Variants in FGD5 observed in about 807,000 individuals in gnomAD.
FGD5 encodes the protein FYVE, RhoGEF and PH domain containing 5, also known as FYVE, RhoGEF and PH domain-containing protein 5.
FGD5 carries 28 observed loss-of-function variants against 133.4 expected under a neutral mutation model. The observed-to-expected ratio is 0.21, with a 90% CI of 0.16 to 0.29. The LOEUF (loss-of-function observed/expected upper bound fraction) is 0.29. Among genes scored for constraint, FGD5 ranks in the 10% least tolerant of loss-of-function variants. The pLI is 1.00. For synonymous variants in FGD5, 810 were observed against 776.5 expected (o/e 1.04, Z -0.72); for missense variants, 1,858 against 1,895.2 (o/e 0.98, Z 0.36).
chr3:14,932,525 G>A (rs2038915978), intron 18 of FGD5, 52 bp from the exon 19 acceptor site: 7 of 1,576,118 alleles, frequency 4.4e-6, no homozygotes, highest in African/African-American at 1.4e-5. Context: ...AACAGTAAAT[G>A]ACTATGCAGA....
chr3:14,860,394 A>G (rs1430076649), intron 1 of FGD5, among the ~76,000 whole-genome samples: 1 of 152,222 alleles, frequency 6.6e-6, no homozygotes, highest in African/African-American at 2.4e-5. Context: ...TGTTGTACTC[A>G]TAATTCCTAT....
At chr3:14,927,463 AAAAT>A (rs1000757482) in intron 18 of FGD5, among the ~76,000 whole-genome samples, 5 of 152,072 alleles carry the variant, frequency 3.3e-5, no homozygotes, top group Admixed American at 2.0e-4. Context: ...AACGAAAAAT[AAAAT>A]GAATGAATGA....
intron 1 of FGD5, among the ~76,000 whole-genome samples, chr3:14,863,237 G>C (rs927961380): frequency 1.3e-5 from 2 of 152,214 alleles, no homozygotes; most frequent in African/African-American, 4.8e-5. Flanking sequence ...GAGTTGTCTG[G>C]GGCCACGTTG....
intron 18 of FGD5, 164 bp from the exon 19 acceptor site, chr3:14,932,413 C>G: frequency 3.2e-5 from 22 of 681,582 alleles, no homozygotes; most frequent in Middle Eastern, 3.6e-4. Flanking sequence ...TCAGGGCTGG[C>G]TCTGGGGGGA....
chr3:14,821,111 C>T lies in FGD5; in HGVS notation c.2040C>T (p.Ser680=), dbSNP rs1028701236. 6 of 1,613,860 alleles carry T rather than the reference C, an allele frequency of 3.7e-6. No homozygotes were observed. In the African/African-American group the frequency reaches 4.0e-5, roughly 11 times the overall value. ...HVDVNVSSSR[S]SSESSYHGPS... ...ATGTGAACGTGTCTTCCTCTAGGTC[C>T]TCTTCAGAGTCCAGCTACCACGGGC... is the stretch of plus-strand genomic sequence containing the variant. The change falls in exon 1 of 20, where the codon TCC becomes TCT. Residue 680 remains serine, a synonymous_variant. Transcript: ENST00000285046.
At chr3:14,822,647 T>C (rs1027732991) in intron 1 of FGD5, among the ~76,000 whole-genome samples, 4 of 152,186 alleles carry the variant, frequency 2.6e-5, no homozygotes, top group African/African-American at 9.7e-5. Flanking sequence ...CCATTCCTTA[T>C]GGAATTGTGG....
chr3:14,814,746 A>T (rs932959217), upstream of FGD5, among the ~76,000 whole-genome samples: 1 of 152,170 alleles, frequency 6.6e-6, no homozygotes, highest in African/African-American at 2.4e-5. Context: ...CAGGGTGTGT[A>T]GTAGGTGACT....
chr3:14,829,004 G>T (rs986690516), intron 1 of FGD5, among the ~76,000 whole-genome samples: 1 of 151,946 alleles, frequency 6.6e-6, no homozygotes, highest in African/African-American at 2.4e-5. Context: ...ATATTGGCCA[G>T]GCTGGTCTTG....
intron 4 of FGD5, 158 bp from the exon 5 acceptor site, chr3:14,897,351 G>T (rs1295161086): frequency 4.7e-6 from 4 of 846,150 alleles, no homozygotes; most frequent in Non-Finnish European, 7.3e-6. Flanking sequence ...GGTCATCTCT[G>T]CTTTGTAGGT....
chr3:14,920,415 G>A (rs2038652851), intron 13 of FGD5: 1 of 152,076 alleles, frequency 6.6e-6, no homozygotes, highest in African/African-American at 2.4e-5. Flanking sequence ...CCATCAATCT[G>A]GGAGGCTGAG....
At chr3:14,821,694 G>A (rs1346125828) in intron 1 of FGD5, 98 bp downstream of exon 1, 79 of 1,428,000 alleles carry the variant, frequency 5.5e-5, no homozygotes, top group Non-Finnish European at 7.2e-5. Flanking sequence ...CCAGCCTCAG[G>A]CTCTGTTTCT....
At chr3:14,826,112 C>A (rs1028336697) in intron 1 of FGD5, among the ~76,000 whole-genome samples, 22 of 152,204 alleles carry the variant, frequency 1.4e-4, no homozygotes, top group African/African-American at 4.8e-4. Flanking sequence ...CAGCACAGAT[C>A]CCTGAGGCCA....
In FGD5 at chr3:14,820,706, T is replaced by G; in HGVS notation, c.1635T>G (p.Thr545=). The part of the protein sequence containing the change: ...RALPAKPRAF[T]LYPRSFSVEG... ...TGCCAGCAAAGCCCAGGGCCTTTAC[T>G]TTATACCCTCGGTCGTTCTCCGTGG... Residue 545 remains threonine (T), a synonymous_variant, in exon 1 of 20, where the codon ACT becomes ACG. Transcript: ENST00000285046. 6.3e-7 allele frequency: 1 copy of G among 1,596,664 alleles called. No individual in the cohort carries two copies. Among genetic ancestry groups the G allele is most frequent in the Non-Finnish European group, 8.5e-7 (1 of 1,173,314 alleles).
At chr3:14,814,210 C>T (rs2036336754), upstream of FGD5, among the ~76,000 whole-genome samples, 2 of 152,208 alleles carry the variant, frequency 1.3e-5, no homozygotes, top group Non-Finnish European at 2.9e-5. Flanking sequence ...CAGCTACATC[C>T]ATGCTGGGTT....
chr3:14,926,221 C>G (rs772290083), intron 18 of FGD5, 23 bp downstream of exon 18: 49 of 1,611,394 alleles, frequency 3.0e-5, no homozygotes, highest in Non-Finnish European at 3.8e-5. Flanking sequence ...TGCACTCTCT[C>G]CCCTCTCCTC....
At chr3:14,919,910 A>G (rs1254602523) in intron 13 of FGD5, among the ~76,000 whole-genome samples, 1 of 152,174 alleles carries the variant, frequency 6.6e-6, no homozygotes, top group Non-Finnish European at 1.5e-5. Context: ...CCTGCCTCCC[A>G]ACACCAGCAC....
chr3:14,846,403 G>A (rs933908326), intron 1 of FGD5, among the ~76,000 whole-genome samples: 3 of 152,142 alleles, frequency 2.0e-5, no homozygotes, highest in Non-Finnish European at 2.9e-5. Flanking sequence ...TTCTATTGTC[G>A]TGGTCTCTGT....
chr3:14,924,602 T>C (rs2038757777), intron 17 of FGD5, among the ~76,000 whole-genome samples: 1 of 152,228 alleles, frequency 6.6e-6, no homozygotes, highest in Non-Finnish European at 1.5e-5. Context: ...CCAGATTGTA[T>C]GTCTGTATTT....
chr3:14,903,695 A>G (rs191438227), intron 9 of FGD5, among the ~76,000 whole-genome samples: 3 of 152,220 alleles, frequency 2.0e-5, no homozygotes, highest in African/African-American at 7.2e-5. Context: ...ATCATTTTTT[A>G]TGGTTGCATA....
Sources: allele counts gnomAD v4.1 joint callset (sites outside exome capture counted in the v4.1 genomes callset), GRCh38; gene constraint gnomAD v4.1.1; transcripts MANE v1.5; gene names NCBI Gene and HGNC (gene_info 2026-07-23, HGNC 2026-07-21).